CAPN12: variants seen among roughly 807,000 people sequenced by gnomAD.
CAPN12 encodes the protein calpain 12, also known as calpain-12.
CAPN12 carries 107 observed loss-of-function variants against 95.0 expected under a neutral mutation model. The ratio of observed to expected loss-of-function variants is 1.13; its 90% CI spans 0.96 to 1.32. The LOEUF is 1.32. CAPN12 is among the 40% of genes most tolerant of loss of function. CAPN12 has a pLI of 0.00. For synonymous variants in CAPN12, 505 were observed against 415.5 expected (o/e 1.22, Z -2.62); for missense variants, 1,136 against 997.8 (o/e 1.14, Z -1.87).
In CAPN12 at chr19:38,734,357, C is replaced by G. The variant is rs571997336; in HGVS notation, c.1777G>C (p.Gly593Arg). Residue 593 changes from glycine to arginine, a missense_variant, in exon 16 of 21, where the codon GGG becomes CGG. Physicochemically the swap from Gly to Arg is moderately radical, Grantham distance 125. Transcript: ENST00000328867. ...RAHTSTPREI[G>R]LRTCEQLLQC... Reference sequence around the variant, plus strand: ...AGCAGCTGCTCACAGGTCCTGAGCCCGATCTCTCTGGGGGTGGAGGTATGG... The same window carrying G: ...AGCAGCTGCTCACAGGTCCTGAGCCGGATCTCTCTGGGGGTGGAGGTATGG... 4 of 1,607,548 alleles carry G rather than the reference C, an allele frequency of 2.5e-6. No homozygotes were observed. The African/African-American group carries it at 5.3e-5, about 21-fold the overall frequency.
intron 3 of CAPN12, 88 bp downstream of exon 3, chr19:38,742,322 C>G (rs1031977106): frequency 1.6e-5 from 16 of 976,792 alleles, no homozygotes; most frequent in Non-Finnish European, 2.4e-5. Flanking sequence ...GAGTGAGATT[C>G]CATCTCAAAA....
chr19:38,731,331 C>T, intron 18 of CAPN12, 108 bp from the exon 19 acceptor site: 1 of 818,762 alleles, frequency 1.2e-6, no homozygotes, highest in Non-Finnish European at 2.1e-6. Flanking sequence ...GGGTGTCACA[C>T]CCCAACTCTG....
chr19:38,737,092 TG>T, intron 10 of CAPN12, 63 bp downstream of exon 10: 1 of 982,346 alleles, frequency 1.0e-6, no homozygotes, highest in Non-Finnish European at 1.4e-6. Flanking sequence ...CCCCGCTCCT[TG>T]GCCCGGCCCC....
chr19:38,743,260 G>A lies in CAPN12; in HGVS notation c.238-158C>T, dbSNP rs1036062812. ...AGAAGTTGTGCTGAGCCAGTCCCATGGTAGCCCCCTCCTCCCTCAGACCCG... is the reference window on the plus strand; with the variant it reads ...AGAAGTTGTGCTGAGCCAGTCCCATAGTAGCCCCCTCCTCCCTCAGACCCG... On this transcript the variant is annotated intron_variant, in intron 1 of 20. Transcript: ENST00000328867. 9.5e-6 allele frequency: 7 copies of A among 733,102 alleles called. No individual in the cohort carries two copies. The East Asian group carries it at 1.4e-4, about 14-fold the overall frequency. The allele number at this position is 733,102 out of a possible 1,614,324, so 45.4% of individuals were successfully genotyped here. A position where few individuals can be genotyped will look rare whatever the true frequency, so the allele number is the denominator to read the frequency against.
chr19:38,742,549 T>C (rs1431501584), intron 2 of CAPN12, 21 bp from the exon 3 acceptor site: 1 of 1,556,102 alleles, frequency 6.4e-7, no homozygotes, highest in Admixed American at 1.8e-5. Context: ...AGGCCAGGAT[T>C]AGGTGAGGAT....
At chr19:38,741,963 T>G in intron 3 of CAPN12, 53 bp from the exon 4 acceptor site, 1 of 1,595,346 alleles carries the variant, frequency 6.3e-7, no homozygotes, top group Non-Finnish European at 8.5e-7. Flanking sequence ...CAACCCTGCC[T>G]GGGCCCTGCC....
chr19:38,734,235 G>A, intron 16 of CAPN12, 31 bp from the exon 17 acceptor site: 1 of 1,612,348 alleles, frequency 6.2e-7, no homozygotes, highest in South Asian at 1.1e-5. Flanking sequence ...ATCTGGTTAA[G>A]GTCAATCTCT....
Position 38,735,535 on chromosome 19 carries a change from G to T in CAPN12, c.1593C>A (p.Asp531Glu), listed in dbSNP as rs756364209. Residue 531 changes from aspartate to glutamate, a missense_variant, in exon 13 of 21, where the codon GAC becomes GAA. Asp to Glu is a conservative substitution (Grantham distance 45). Coordinates refer to ENST00000328867, the MANE Select transcript of CAPN12 (RefSeq NM_144691.4). Reference protein sequence around the residue: ...SERRHTAVEIDDVISADLQSL... With the variant: ...SERRHTAVEIEDVISADLQSL... ...ACTGCAGGTCTGCGCTGATCACGTC[G>T]TCGATCTCCCTGCAAATTACAGATG... The T allele has an allele frequency of 1.2e-6, 2 of 1,610,254 alleles. No individual in the cohort carries two copies. The highest frequency in any genetic ancestry group is 2.7e-5 in the African/African-American group (2 of 74,232).
rs372638469 is a variant in CAPN12 at position 38,731,149 on chromosome 19, C to G, written c.2032G>C (p.Glu678Gln). Reference sequence around the variant, plus strand: ...TGGGCCACACAGGACACGAACCGCTCGAAGTCCACACGCAGACGGCTATCC... The same window carrying G: ...TGGGCCACACAGGACACGAACCGCTGGAAGTCCACACGCAGACGGCTATCC... ...YRDSRLRVDFERFVSCVAHLT... is the reference protein window; with the variant it reads ...YRDSRLRVDFQRFVSCVAHLT... The change falls in exon 19 of 21, where the codon GAG becomes CAG. Residue 678 changes from glutamate (E) to glutamine (Q), a missense_variant. Physicochemically the swap from Glu to Gln is conservative, Grantham distance 29. Coordinates refer to ENST00000328867, the MANE Select transcript of CAPN12 (RefSeq NM_144691.4). 3.7e-6 allele frequency: 6 copies of G among 1,613,104 alleles called. No homozygotes were observed. Among genetic ancestry groups the G allele is most frequent in the South Asian group, 1.1e-5 (1 of 91,046 alleles).
In CAPN12 at chr19:38,736,446, G is replaced by GC. The variant is rs1416377194; in HGVS notation, c.1374+105dup. 61 of 1,443,922 alleles carry GC rather than the reference G, an allele frequency of 4.2e-5. No homozygotes were observed. In the Middle Eastern group the frequency reaches 1.1e-3, roughly 26 times the overall value. 89.4% of individuals were successfully genotyped at this position (1,443,922 alleles called of 1,614,324 possible). A position where few individuals can be genotyped will look rare whatever the true frequency, so the allele number is the denominator to read the frequency against. On this transcript the variant is annotated intron_variant, in intron 11 of 20. Transcript: ENST00000328867. Reference sequence around the variant, plus strand: ...CTCCCCTGCCCCCGGACCCGGCTCTGCCCCCCCACCCCCAGGGCAGTTTGA... The same window carrying GC: ...CTCCCCTGCCCCCGGACCCGGCTCTGCCCCCCCCACCCCCAGGGCAGTTTGA...
At chr19:38,733,581 A>T in intron 18 of CAPN12, 122 bp downstream of exon 18, 1 of 839,678 alleles carries the variant, frequency 1.2e-6, no homozygotes, top group Non-Finnish European at 1.9e-6. Context: ...GCAACAAGCT[A>T]AGGTGTGGGC....
At chr19:38,731,570 T>A (rs1410160288) in intron 18 of CAPN12, 4 of 347,596 alleles carry the variant, frequency 1.2e-5, no homozygotes, top group Non-Finnish European at 1.1e-5. Context: ...CAGCAAAAAA[T>A]ATAGTCAATC....
At chr19:38,737,933 T>C (rs1162415086) in intron 8 of CAPN12, among the ~76,000 whole-genome samples, 1 of 152,062 alleles carries the variant, frequency 6.6e-6, no homozygotes, top group Non-Finnish European at 1.5e-5. Flanking sequence ...CAAGTACCCT[T>C]CAGCCCCTCA....
Position 38,739,444 on chromosome 19 carries a change from G to A in CAPN12, c.729+607C>T, listed in dbSNP as rs1322117971. 9 of 86,676 alleles carry A rather than the reference G, an allele frequency of 1.0e-4. 1 individual carries two copies. The highest frequency in any genetic ancestry group is 9.9e-4 in the South Asian group (2 of 2,028). 5.4% of individuals were successfully genotyped at this position (86,676 alleles called of 1,614,324 possible). ...AGCCTGGGTGACAGAGCAAGATTCC[G>A]TCTCAAAAAAAAAAAAAAAAAAAAA... On this transcript the variant is annotated intron_variant, in intron 5 of 20. Coordinates refer to ENST00000328867, the MANE Select transcript of CAPN12 (RefSeq NM_144691.4).
chr19:38,733,689 G>C lies in CAPN12; in HGVS notation c.1957+14C>G, dbSNP rs1568768385. The C allele has an allele frequency of 6.2e-7, 1 of 1,612,284 alleles. No individual in the cohort carries two copies. The highest frequency in any genetic ancestry group is 1.3e-5 in the African/African-American group (1 of 74,924). ...GGTCCTGTCCCCACGACCACCCCAG[G>C]ACCCTGTCCACACCTGCTGCATTCA... On this transcript the variant is annotated intron_variant, in intron 18 of 20. Coordinates refer to ENST00000328867, the MANE Select transcript of CAPN12 (RefSeq NM_144691.4).
At position 38,738,343 on chromosome 19, in the gene CAPN12, G is replaced by A. The variant is rs757043465; in HGVS notation, c.895C>T (p.Pro299Ser). The A allele has an allele frequency of 2.0e-5, 32 of 1,611,872 alleles. No individual in the cohort carries two copies. The highest frequency in any genetic ancestry group is 2.4e-5 in the Non-Finnish European group (28 of 1,180,014). Residue 299 changes from proline to serine, a missense_variant, in exon 8 of 21, where the codon CCA becomes TCA. Pro to Ser is a moderately conservative substitution (Grantham distance 74). Coordinates refer to ENST00000328867, the MANE Select transcript of CAPN12 (RefSeq NM_144691.4). ...EWTGAWSDSCPRWDTLPTECR... is the reference protein window; with the variant it reads ...EWTGAWSDSCSRWDTLPTECR... ...TCGGTGGGGAGTGTGTCCCAGCGTG[G>A]GCAGCTGGAGAGACTGTGGTGTGAG...
intron 4 of CAPN12, among the ~76,000 whole-genome samples, chr19:38,741,534 C>T (rs1275742634): frequency 6.6e-6 from 1 of 151,402 alleles, no homozygotes; most frequent in East Asian, 1.9e-4. Context: ...GATCGCGCTA[C>T]TGCACTCCAG....
At chr19:38,737,119 G>A (rs1462552837) in intron 10 of CAPN12, 37 bp downstream of exon 10, 2 of 788,768 alleles carry the variant, frequency 2.5e-6, no homozygotes, top group Non-Finnish European at 3.2e-6. Context: ...TCCACCCTCC[G>A]GGTTCCCTCC....
chr19:38,741,552 G>A (rs1361247123), intron 4 of CAPN12, among the ~76,000 whole-genome samples: 14 of 150,276 alleles, frequency 9.3e-5, no homozygotes, highest in East Asian at 2.0e-4. Context: ...CAGCCTGGGC[G>A]ACAGAGTGAG....
Sources: gnomAD v4.1 joint callset for allele counts (sites outside exome capture counted in the v4.1 genomes callset) on GRCh38, gnomAD v4.1.1 for gene constraint, MANE v1.5 for transcripts, NCBI Gene and HGNC (gene_info 2026-07-23, HGNC 2026-07-21) for gene names.